The following TMPRSS5 variants were observed in gnomAD, a reference collection of about 807,000 sequenced individuals.
TMPRSS5 encodes transmembrane protease serine 5.
Under a neutral mutation model 59.7 loss-of-function variants are expected in TMPRSS5, and 45 were observed. That is an observed-to-expected ratio of 0.75 (90% CI 0.59 to 0.97). The LOEUF (loss-of-function observed/expected upper bound fraction) is 0.97, where lower values mean the gene tolerates loss of function less well. Ranked by LOEUF, TMPRSS5 falls within the 50% of genes least tolerant of loss-of-function variation. The pLI, the probability that TMPRSS5 is intolerant of heterozygous loss-of-function variation, is 0.00. For missense variants in TMPRSS5, 585 were observed against 596.7 expected (o/e 0.98, Z 0.20); for synonymous variants, 225 against 232.0 (o/e 0.97, Z 0.27).
At chr11:113,699,954 C>G in intron 2 of TMPRSS5, 112 bp downstream of exon 2, 2 of 1,539,068 alleles carry the variant, frequency 1.3e-6, no homozygotes. Context: ...AGTGAGACAG[C>G]CTCTCACCAT....
intron 7 of TMPRSS5, 99 bp from the exon 8 acceptor site, chr11:113,694,739 GC>G: frequency 8.2e-7 from 1 of 1,225,740 alleles, no homozygotes. Context: ...GCCCCAGAGA[GC>G]CAGTGTGGAC....
chr11:113,694,449 C>T, intron 8 of TMPRSS5, 29 bp downstream of exon 8: 1 of 1,551,550 alleles, frequency 6.4e-7, no homozygotes, highest in Non-Finnish European at 8.7e-7. Flanking sequence ...AACTGAGGCT[C>T]TCTGTCCTCA....
At chr11:113,688,738 T>G (rs989037842) in intron 12 of TMPRSS5, among the ~76,000 whole-genome samples, 1 of 152,086 alleles carries the variant, frequency 6.6e-6, no homozygotes, top group African/African-American at 2.4e-5. Flanking sequence ...AACTTTTGTA[T>G]TTTTAGTATA....
intron 1 of TMPRSS5, among the ~76,000 whole-genome samples, chr11:113,701,893 G>A (rs544655819): frequency 2.1e-4 from 32 of 151,992 alleles, no homozygotes; most frequent in Non-Finnish European, 3.7e-4. Context: ...CCATCAACCC[G>A]TCATCTAGGT....
In TMPRSS5 at chr11:113,699,244, T is replaced by C. The variant is rs866814437; in HGVS notation, c.206-217A>G. Among the ~76,000 whole-genome samples, 176 of 81,166 alleles carry C rather than the reference T, an allele frequency of 2.2e-3. 12 individuals are homozygous for C. Among genetic ancestry groups the C allele is most frequent in the Admixed American group, 3.9e-3 (28 of 7,230 alleles). The allele number at this position is 81,166 out of a possible 152,430, so 53.2% of individuals were successfully genotyped here. ...CTCTCTCTCTCTCTCTCTCTCTCTCTCTCTCTCTCTCTCTCTCTCTCTCTC... is the reference window on the plus strand; with the variant it reads ...CTCTCTCTCTCTCTCTCTCTCTCTCCCTCTCTCTCTCTCTCTCTCTCTCTC... On this transcript the variant is annotated intron_variant, in intron 3 of 12. Transcript: ENST00000299882.
rs892286145 is a variant in TMPRSS5, at chr11:113,687,619, T to C, written c.*641A>G. The C allele has an allele frequency of 3.3e-5, 5 of 152,248 alleles. No individual in the cohort carries two copies. The highest frequency in any genetic ancestry group is 7.3e-5 in the Non-Finnish European group (5 of 68,080). The allele number at this position is 152,248 out of a possible 1,614,324, so 9.4% of individuals were successfully genotyped here. On this transcript the variant is annotated 3_prime_UTR_variant, in exon 13 of 13. Coordinates refer to ENST00000299882, the MANE Select transcript of TMPRSS5 (RefSeq NM_030770.4). Reference sequence around the variant, plus strand: ...TCACAGAACTGTCATTTAAAACCAATGTCCTAGACCAACTCCAACCTTCTT... The same window carrying C: ...TCACAGAACTGTCATTTAAAACCAACGTCCTAGACCAACTCCAACCTTCTT...
In TMPRSS5 at chr11:113,698,792, AAC is replaced by A. The variant is rs1278127334; in HGVS notation, c.328+111_328+112del. On this transcript the variant is annotated intron_variant, in intron 4 of 12. Transcript: ENST00000299882. Reference sequence around the variant, plus strand: ...CACTGCCCTCACACTAGAGGAGGGAAACACATATGGTTGGCAGTGAACAGATG... The same window carrying A: ...CACTGCCCTCACACTAGAGGAGGGAAACATATGGTTGGCAGTGAACAGATG... 3 of 1,271,978 alleles carry A rather than the reference AAC, an allele frequency of 2.4e-6. No individual in the cohort carries two copies. The East Asian group carries it at 7.6e-5, about 32-fold the overall frequency. 78.8% of individuals were successfully genotyped at this position (1,271,978 alleles called of 1,614,324 possible).
chr11:113,692,021 G>A (rs1337410744), intron 9 of TMPRSS5, among the ~76,000 whole-genome samples: 1 of 151,584 alleles, frequency 6.6e-6, no homozygotes, highest in Non-Finnish European at 1.5e-5. Flanking sequence ...CCGAGTAGCT[G>A]GGACTACAGG....
At chr11:113,697,779 A>G (rs1314067112) in intron 4 of TMPRSS5, among the ~76,000 whole-genome samples, 1 of 152,212 alleles carries the variant, frequency 6.6e-6, no homozygotes, top group Non-Finnish European at 1.5e-5. Context: ...TGATGGATCC[A>G]GGACTTAGAT....
intron 7 of TMPRSS5, among the ~76,000 whole-genome samples, 192 bp downstream of exon 7, chr11:113,695,208 T>C (rs910093490): frequency 1.3e-5 from 2 of 152,006 alleles, no homozygotes; most frequent in Non-Finnish European, 2.9e-5. Flanking sequence ...AGGGACATGA[T>C]GGAGGCTTAG....
rs754366025 is a variant in TMPRSS5 at position 113,697,301 on chromosome 11, CA to C, written c.445del (p.Trp149GlyfsTer14). 5 of 1,612,534 alleles carry C rather than the reference CA, an allele frequency of 3.1e-6. No homozygotes were observed. In the East Asian group the frequency reaches 8.9e-5, roughly 29 times the overall value. On this transcript the variant is annotated frameshift_variant, in exon 5 of 13. Coordinates refer to ENST00000299882, the MANE Select transcript of TMPRSS5 (RefSeq NM_030770.4). LOFTEE classifies it high-confidence loss of function. ...WSPALGLQIC[W>X]SLGHLRLTHH... is the part of the protein sequence containing the mutation. ...CTGTTACCTGAGATGCCCAAGGCTC[CA>C]GCAGATCTGCAGCCCCAGGGCGGGG...
Position 113,699,615 on chromosome 11 carries a change from C to A in TMPRSS5, c.185G>T (p.Gly62Val), listed in dbSNP as rs767241158. ...CTGACCTAGGAGCCATGAGCCAACA[C>A]CTGCACCGGCCAGCAGCCCCAGGGC... is the stretch of plus-strand genomic sequence containing the variant. ...LGALGLLAGAGVGSWLLVLYL... is the reference protein window; with the variant it reads ...LGALGLLAGAVVGSWLLVLYL... The change falls in exon 3 of 13, where the codon GGT becomes GTT. Residue 62 changes from glycine to valine, a missense_variant. Transcript: ENST00000299882. 6.3e-7 allele frequency: 1 copy of A among 1,579,746 alleles called. No homozygotes were observed. The highest frequency in any genetic ancestry group is 8.6e-7 in the Non-Finnish European group (1 of 1,163,484).
At chr11:113,699,276 T>TCTCTCTCCCTCC (rs1565263911) in intron 3 of TMPRSS5, among the ~76,000 whole-genome samples, 3 of 92,968 alleles carry the variant, frequency 3.2e-5, no homozygotes, top group African/African-American at 1.3e-4. Flanking sequence ...TCTCTCCCTC[T>TCTCTCTCCCTCC]CTCTCTCTCT....
intron 9 of TMPRSS5, among the ~76,000 whole-genome samples, chr11:113,691,627 A>T (rs1952780736): frequency 6.6e-6 from 1 of 152,166 alleles, no homozygotes; most frequent in Admixed American, 6.5e-5. Context: ...TTAGGTAAGT[A>T]ATATAGGTTC....
chr11:113,694,664 A>G lies in TMPRSS5; in HGVS notation c.623-24T>C, dbSNP rs117991233. ...CTCTGCCAACAGAGATGGGTGAGAT[A>G]GAAAGAGAGAGAGAGGTGAGTGTCA... On this transcript the variant is annotated intron_variant, in intron 7 of 12. Coordinates refer to ENST00000299882, the MANE Select transcript of TMPRSS5 (RefSeq NM_030770.4). 1.9e-5 allele frequency: 29 copies of G among 1,523,274 alleles called. No homozygotes were observed. The East Asian group carries it at 6.9e-4, about 36-fold the overall frequency. 94.4% of individuals were successfully genotyped at this position (1,523,274 alleles called of 1,614,324 possible). A position where few individuals can be genotyped will look rare whatever the true frequency, so the allele number is the denominator to read the frequency against.
rs771746689 is a variant in TMPRSS5, at chr11:113,689,871, C to T, written c.1253G>A (p.Arg418His). The change falls in exon 12 of 13, where the codon CGC becomes CAC. Residue 418 changes from arginine (R) to histidine (H), a missense_variant. Coordinates refer to ENST00000299882, the MANE Select transcript of TMPRSS5 (RefSeq NM_030770.4). ...PLVCPDGDTWRLVGVVSWGRG... is the reference protein window; with the variant it reads ...PLVCPDGDTWHLVGVVSWGRG... ...CCCCCAGCTGACCACCCCCACTAGG[C>T]GCCATGTGTCCCCATCTGGGCACAC... The T allele has an allele frequency of 1.3e-5, 21 of 1,578,428 alleles. No individual in the cohort carries two copies. Among genetic ancestry groups the T allele is most frequent in the Admixed American group, 7.3e-5 (4 of 54,614 alleles).
Position 113,699,614 on chromosome 11 carries a change from A to T in TMPRSS5, c.186T>A (p.Gly62=). The T allele has an allele frequency of 6.3e-7, 1 of 1,578,782 alleles. No homozygotes were observed. The highest frequency in any genetic ancestry group is 2.3e-5 in the East Asian group (1 of 42,846). The change falls in exon 3 of 13, where the codon GGT becomes GGA. Residue 62 remains glycine, a synonymous_variant. Transcript: ENST00000299882. ...ACTGACCTAGGAGCCATGAGCCAAC[A>T]CCTGCACCGGCCAGCAGCCCCAGGG... is the stretch of plus-strand genomic sequence containing the variant. ...LGALGLLAGA[G]VGSWLLVLYL...
At chr11:113,689,384 A>G (rs1240259854) in intron 12 of TMPRSS5, among the ~76,000 whole-genome samples, 1 of 151,938 alleles carries the variant, frequency 6.6e-6, no homozygotes, top group Non-Finnish European at 1.5e-5. Flanking sequence ...ACTGCAGATC[A>G]CTCACTCTAA....
intron 8 of TMPRSS5, 43 bp downstream of exon 8, chr11:113,694,435 G>C: frequency 6.5e-7 from 1 of 1,545,208 alleles, no homozygotes. Flanking sequence ...CGAACAGAAA[G>C]GGCAACTGAG....
Sources: allele counts gnomAD v4.1 joint callset (sites outside exome capture counted in the v4.1 genomes callset), GRCh38; gene constraint gnomAD v4.1.1; transcripts MANE v1.5; gene names NCBI Gene and HGNC (gene_info 2026-07-23, HGNC 2026-07-21).